SGSM2: variants seen among roughly 807,000 people sequenced by gnomAD.
The protein encoded by SGSM2 is RUN and TBC1 domain containing 1.
In SGSM2, 89 loss-of-function variants were observed where a neutral mutation model predicts 126.6. The observed-to-expected ratio is 0.70, with a 90% CI of 0.59 to 0.84. SGSM2 has a LOEUF of 0.84. SGSM2 is among the 40% of genes least tolerant of loss of function. The pLI is 0.00. For missense variants in SGSM2, 1,404 were observed against 1,416.6 expected, an observed-to-expected ratio of 0.99 and a Z score of 0.14; for synonymous variants, 614 against 574.3, an observed-to-expected ratio of 1.07 and a Z score of -0.99.
chr17:2,377,483 C>CAAAAAAAAAAAAAAACGAAAAAA (rs2066225442), intron 21 of SGSM2: 1 of 111,900 alleles, frequency 8.9e-6, no homozygotes, highest in African/African-American at 3.8e-5. Flanking sequence ...GACTCTGTCT[C>CAAAAAAAAAAAAAAACGAAAAAA]AAAAAAAAAA....
At position 2,362,393 on chromosome 17, in the gene SGSM2, C is replaced by T. The variant is rs2065353332; in HGVS notation, c.458+123C>T. 2.9e-6 allele frequency: 3 copies of T among 1,040,876 alleles called. No individual in the cohort carries two copies. Among genetic ancestry groups the T allele is most frequent in the East Asian group, 2.6e-5 (1 of 38,530 alleles). The allele number at this position is 1,040,876 out of a possible 1,614,324, so 64.5% of individuals were successfully genotyped here. On this transcript the variant is annotated intron_variant, in intron 4 of 23. Transcript: ENST00000268989. The surrounding 1 kb of genome is among the most constrained non-coding windows in gnomAD (Gnocchi z 4.9). ...CCGTTCCCCAAAAACTGCAGGTGAC[C>T]GCCCCGTTCCCCCCAAAACTGCAGG...
intron 23 of SGSM2, 96 bp downstream of exon 23, chr17:2,379,299 G>A: frequency 6.4e-7 from 1 of 1,564,084 alleles, no homozygotes; most frequent in Non-Finnish European, 8.7e-7. Flanking sequence ...CAGGAATCCT[G>A]GGGGCCCTTC....
chr17:2,377,133 G>A, intron 21 of SGSM2, 65 bp downstream of exon 21: 1 of 945,608 alleles, frequency 1.1e-6, no homozygotes, highest in Non-Finnish European at 1.6e-6. Flanking sequence ...TCGTCCACAT[G>A]GCTAGGGAGC....
At chr17:2,342,188 G>C (rs756455580) in intron 1 of SGSM2, among the ~76,000 whole-genome samples, 1 of 151,612 alleles carries the variant, frequency 6.6e-6, no homozygotes, top group Non-Finnish European at 1.5e-5. Context: ...AGGCCAACGC[G>C]GGTGGATCAC....
chr17:2,363,700 A>C lies in SGSM2; in HGVS notation c.807+101A>C. 2 of 1,492,418 alleles carry C rather than the reference A, an allele frequency of 1.3e-6. No homozygotes were observed. Among genetic ancestry groups the C allele is most frequent in the Non-Finnish European group, 1.8e-6 (2 of 1,106,170 alleles). The allele number at this position is 1,492,418 out of a possible 1,614,324, so 92.4% of individuals were successfully genotyped here. A position where few individuals can be genotyped will look rare whatever the true frequency, so the allele number is the denominator to read the frequency against. ...TTCCTTTCCTGAGGAGCTTGACCAG[A>C]GACGGGGGGGAGAATGGCCCCAGCC... On this transcript the variant is annotated intron_variant, in intron 7 of 23. Transcript: ENST00000268989. This position sits in a 1 kb window ranked among gnomAD's most constrained non-coding sequence, Gnocchi z 4.2.
intron 17 of SGSM2, 28 bp downstream of exon 17, chr17:2,373,541 G>C (rs766347351): frequency 3.8e-6 from 6 of 1,571,058 alleles, no homozygotes; most frequent in Admixed American, 1.8e-5. Context: ...TGGAGGGTTG[G>C]GGGTCTCGGG....
chr17:2,339,459 T>A (rs2064249804), intron 1 of SGSM2, among the ~76,000 whole-genome samples: 1 of 149,976 alleles, frequency 6.7e-6, no homozygotes, highest in Non-Finnish European at 1.5e-5. Flanking sequence ...GCATGGTGGC[T>A]CACGACTGTA....
Position 2,380,303 on chromosome 17 carries a change from T to C in SGSM2, c.*783T>C, listed in dbSNP as rs1197406703. On this transcript the variant is annotated 3_prime_UTR_variant, in exon 24 of 24. Coordinates refer to ENST00000268989, the MANE Select transcript of SGSM2 (RefSeq NM_014853.3). Reference sequence around the variant, plus strand: ...AACCACGTGTAAGAAGTGATGCTTTTGCCAGTGGATGATCTGGAATGCGAC... The same window carrying C: ...AACCACGTGTAAGAAGTGATGCTTTCGCCAGTGGATGATCTGGAATGCGAC... 7 of 1,535,788 alleles carry C rather than the reference T, an allele frequency of 4.6e-6. No homozygotes were observed. Among genetic ancestry groups the C allele is most frequent in the Non-Finnish European group, 6.1e-6 (7 of 1,146,874 alleles).
At chr17:2,357,085 G>C (rs953090578) in intron 2 of SGSM2, among the ~76,000 whole-genome samples, 2 of 152,094 alleles carry the variant, frequency 1.3e-5, no homozygotes, top group African/African-American at 4.8e-5. Context: ...CATTTGTTAG[G>C]CTGCAGAACT....
chr17:2,371,438 C>T, intron 13 of SGSM2, 23 bp downstream of exon 13: 1 of 1,570,888 alleles, frequency 6.4e-7, no homozygotes, highest in Non-Finnish European at 8.6e-7. Context: ...CGCTCGGCCC[C>T]AGCTTCCCGT....
At chr17:2,371,979 T>TGGTTGGGGGCCA (rs2065892320) in intron 13 of SGSM2, 1 of 574,088 alleles carries the variant, frequency 1.7e-6, no homozygotes, top group Non-Finnish European at 3.1e-6. Flanking sequence ...GATCCCTGGG[T>TGGTTGGGGGCCA]GGTTGGGGGC....
rs773452610 is a variant in SGSM2 at position 2,363,477 on chromosome 17, C to T, written c.685C>T (p.His229Tyr). 6.2e-7 allele frequency: 1 copy of T among 1,613,224 alleles called. No individual in the cohort carries two copies. The highest frequency in any genetic ancestry group is 1.3e-5 in the African/African-American group (1 of 74,938). ...KRPALGIRKR[H>Y]SSGSASEDRL... Reference sequence around the variant, plus strand: ...GCCTTCCACACAGATCCGGAAACGGCACTCAAGCGGCAGCGCGTCGGAGGA... The same window carrying T: ...GCCTTCCACACAGATCCGGAAACGGTACTCAAGCGGCAGCGCGTCGGAGGA... Residue 229 changes from histidine to tyrosine, a missense_variant, in exon 7 of 24, where the codon CAC becomes TAC. Transcript: ENST00000268989. This position sits in a 1 kb window ranked among gnomAD's most constrained non-coding sequence, Gnocchi z 4.2.
intron 2 of SGSM2, among the ~76,000 whole-genome samples, chr17:2,357,845 C>G (rs1246213220): frequency 2.0e-5 from 3 of 152,228 alleles, no homozygotes. Flanking sequence ...TTGCCCAAAC[C>G]TTTCCATGCC....
rs754318308 is a variant in SGSM2 at position 2,363,556 on chromosome 17, G to A, written c.764G>A (p.Arg255Gln). 33 of 1,613,358 alleles carry A rather than the reference G, an allele frequency of 2.0e-5. No homozygotes were observed. Among genetic ancestry groups the A allele is most frequent in the African/African-American group, 5.3e-5 (4 of 74,946 alleles). Residue 255 changes from arginine to glutamine, a missense_variant, in exon 7 of 24, where the codon CGG becomes CAG. Physicochemically the swap from Arg to Gln is conservative, Grantham distance 43. Coordinates refer to ENST00000268989, the MANE Select transcript of SGSM2 (RefSeq NM_014853.3). The surrounding 1 kb of genome is among the most constrained non-coding windows in gnomAD (Gnocchi z 4.2). ...ECVESLHQNS[R>Q]TRLLYGKNHV... ...GTGGAGTCCCTGCACCAGAACTCACGGACGCGGCTGCTCTATGGCAAGAAC... is the reference window on the plus strand; with the variant it reads ...GTGGAGTCCCTGCACCAGAACTCACAGACGCGGCTGCTCTATGGCAAGAAC...
rs542791851 is a variant in SGSM2, at chr17:2,361,526, C to A, written c.134-111C>A. The stretch of plus-strand genomic sequence containing the variant: ...GAAGCCAGGGTATCTCCCTGGCCTG[C>A]CCTTGGCTTGCCCTTACCCCTTGCC... On this transcript the variant is annotated intron_variant, in intron 2 of 23. Coordinates refer to ENST00000268989, the MANE Select transcript of SGSM2 (RefSeq NM_014853.3). 253 of 1,352,010 alleles carry A rather than the reference C, an allele frequency of 1.9e-4. 4 individuals carry two copies. The African/African-American group carries it at 3.2e-3, about 17-fold the overall frequency. The allele number at this position is 1,352,010 out of a possible 1,614,324, so 83.8% of individuals were successfully genotyped here.
At chr17:2,376,545 G>A (rs755641314) in intron 19 of SGSM2, 188 bp from the exon 20 acceptor site, 5 of 716,246 alleles carry the variant, frequency 7.0e-6, no homozygotes, top group Non-Finnish European at 1.2e-5. Context: ...TCCCTAAGTC[G>A]GAGTGCCTTG....
rs145133359 is a variant in SGSM2, at chr17:2,350,844, G to A, written c.133+7224G>A. On this transcript the variant is annotated intron_variant, in intron 2 of 23. Transcript: ENST00000268989. Reference sequence around the variant, plus strand: ...AGAAGCCTTTCACACCTTGGGATATGCTGTTACTTTTCATCACCCAGCATC... The same window carrying A: ...AGAAGCCTTTCACACCTTGGGATATACTGTTACTTTTCATCACCCAGCATC... Among the ~76,000 whole-genome samples the A allele has an allele frequency of 1.2e-3, 185 of 152,324 alleles. 1 individual carries two copies. Among genetic ancestry groups the A allele is most frequent in the African/African-American group, 4.3e-3 (177 of 41,570 alleles).
chr17:2,365,457 C>A, intron 11 of SGSM2, 116 bp downstream of exon 11: 1 of 1,237,134 alleles, frequency 8.1e-7, no homozygotes, highest in Non-Finnish European at 1.1e-6. Flanking sequence ...CAGGTTAACA[C>A]CAGAGGCTCA....
Position 2,379,211 on chromosome 17 carries a change from C to T in SGSM2, c.3067+8C>T. On this transcript the variant is annotated splice_region_variant and intron_variant, in intron 23 of 23. Coordinates refer to ENST00000268989, the MANE Select transcript of SGSM2 (RefSeq NM_014853.3). ...TCATCAAGTTTTTCAATGGTACGAG[C>T]TGGTCCAGCCATCCAGGCTGCCCTG... 1 of 1,614,010 alleles carries T rather than the reference C, an allele frequency of 6.2e-7. No individual in the cohort carries two copies. Among genetic ancestry groups the T allele is most frequent in the South Asian group, 1.1e-5 (1 of 91,078 alleles).
Sources: allele counts gnomAD v4.1 joint callset (sites outside exome capture counted in the v4.1 genomes callset), GRCh38; gene constraint gnomAD v4.1.1; non-coding constraint Gnocchi (gnomAD v3.1); transcripts MANE v1.5; gene names NCBI Gene and HGNC (gene_info 2026-07-23, HGNC 2026-07-21).